Variants in CNTN6 observed in about 807,000 individuals in gnomAD.
CNTN6 encodes the protein contactin 6, also known as contactin-6.
CNTN6 carries 137 observed loss-of-function variants against 122.8 expected under a neutral mutation model. The ratio of observed to expected loss-of-function variants is 1.12; its 90% CI spans 0.97 to 1.29. The LOEUF (loss-of-function observed/expected upper bound fraction) is 1.29, where lower values mean the gene tolerates loss of function less well. CNTN6 is among the 50% of genes most tolerant of loss of function. The pLI, the probability that CNTN6 is intolerant of heterozygous loss-of-function variation, is 0.00. For missense variants in CNTN6, 1,634 were observed against 1,223.4 expected, an observed-to-expected ratio of 1.34 and a Z score of -5.01; for synonymous variants, 570 against 426.0, an observed-to-expected ratio of 1.34 and a Z score of -4.16.
At chr3:1,200,728 G>A (rs2093851451) in intron 2 of CNTN6, among the ~76,000 whole-genome samples, 1 of 152,042 alleles carries the variant, frequency 6.6e-6, no homozygotes, top group African/African-American at 2.4e-5. Context: ...AAAGCCCTCA[G>A]GATTAGTTCC....
At chr3:1,343,304 CTG>C (rs1417746980) in intron 11 of CNTN6, among the ~76,000 whole-genome samples, 3 of 152,248 alleles carry the variant, frequency 2.0e-5, no homozygotes, top group East Asian at 1.9e-4. Context: ...AATTTCAACT[CTG>C]TGAGAATGTT....
chr3:1,119,821 C>T (rs1005088373), intron 1 of CNTN6, among the ~76,000 whole-genome samples: 3 of 151,936 alleles, frequency 2.0e-5, no homozygotes, highest in African/African-American at 4.8e-5. Flanking sequence ...ATCCCTGTTC[C>T]TCCCTATCAA....
At chr3:1,270,904 G>A (rs1354420474) in intron 4 of CNTN6, among the ~76,000 whole-genome samples, 8 of 152,120 alleles carry the variant, frequency 5.3e-5, no homozygotes, top group African/African-American at 1.9e-4. Flanking sequence ...TTGTTTGTTT[G>A]TTTGTTCTTG....
At chr3:1,214,368 G>A (rs1341090435) in intron 2 of CNTN6, among the ~76,000 whole-genome samples, 20 of 127,026 alleles carry the variant, frequency 1.6e-4, no homozygotes, top group Non-Finnish European at 2.3e-4. Flanking sequence ...GAGTGCAATG[G>A]CGTAATCTCA....
rs1244717902 is a variant in CNTN6, at chr3:1,245,250, A to G, written c.358+17257A>G. ...TATATATATATACACACACACATAT[A>G]TATATAACATATATATATATATATA... On this transcript the variant is annotated intron_variant, in intron 4 of 22. Transcript: ENST00000446702. 2.5e-4 allele frequency among the ~76,000 whole-genome samples: 4 copies of G among 16,112 alleles called. 1 individual carries two copies. The East Asian group carries it at 6.0e-3, about 24-fold the overall frequency. 10.6% of individuals were successfully genotyped at this position (16,112 alleles called of 152,430 possible). A position where few individuals can be genotyped will look rare whatever the true frequency, so the allele number is the denominator to read the frequency against.
intron 2 of CNTN6, among the ~76,000 whole-genome samples, chr3:1,157,729 C>A (rs2093007792): frequency 6.6e-6 from 1 of 151,226 alleles, no homozygotes; most frequent in Non-Finnish European, 1.5e-5. Context: ...ATTTTTACAT[C>A]CCATAAGTAA....
At chr3:1,220,619 T>A in intron 2 of CNTN6, 68 bp from the exon 3 acceptor site, 1 of 1,339,058 alleles carries the variant, frequency 7.5e-7, no homozygotes, top group Admixed American at 2.4e-5. Flanking sequence ...GAATTGATAT[T>A]TAATATAGAC....
intron 17 of CNTN6, among the ~76,000 whole-genome samples, chr3:1,380,575 T>C (rs1691714347): frequency 1.3e-5 from 2 of 152,154 alleles, no homozygotes; most frequent in South Asian, 4.1e-4. Flanking sequence ...AAGAGATACA[T>C]ACCTACACTG....
Position 1,329,826 on chromosome 3 carries a change from T to C in CNTN6, c.1255T>C (p.Ser419Pro). Residue 419 changes from serine to proline, a missense_variant, in exon 11 of 23, where the codon TCT (serine) becomes CCT (proline). Physicochemically the swap from Ser to Pro is moderately conservative, Grantham distance 74 (BLOSUM62 -1). Coordinates refer to ENST00000446702, the MANE Select transcript of CNTN6 (RefSeq NM_001289080.2). ...CTCCAAAAGTCCAGTTAAAAAAAAG[T>C]CTTTTGTTCAAGTTGGTGGGGATAT... is the stretch of plus-strand genomic sequence containing the variant. ...DFSKSPVKKK[S>P]FVQVGGDIVI... The C allele has an allele frequency of 6.2e-7, 1 of 1,608,650 alleles. No individual in the cohort carries two copies. Among genetic ancestry groups the C allele is most frequent in the Non-Finnish European group, 8.5e-7 (1 of 1,177,612 alleles).
Position 1,403,511 on chromosome 3 carries a change from C to A in CNTN6, c.*93C>A. 1 of 644,290 alleles carries A rather than the reference C, an allele frequency of 1.6e-6. No individual in the cohort carries two copies. The highest frequency in any genetic ancestry group is 2.6e-6 in the Non-Finnish European group (1 of 382,972). 39.9% of individuals were successfully genotyped at this position (644,290 alleles called of 1,614,324 possible). A position where few individuals can be genotyped will look rare whatever the true frequency, so the allele number is the denominator to read the frequency against. On this transcript the variant is annotated 3_prime_UTR_variant, in exon 23 of 23. Coordinates refer to ENST00000446702, the MANE Select transcript of CNTN6 (RefSeq NM_001289080.2). Reference sequence around the variant, plus strand: ...TCTGACACAAGATGCGTTCTTAATACAGACTTGTTTGCAAAGAAAAAAAAA... The same window carrying A: ...TCTGACACAAGATGCGTTCTTAATAAAGACTTGTTTGCAAAGAAAAAAAAA...
intron 2 of CNTN6, among the ~76,000 whole-genome samples, chr3:1,184,906 A>G (rs1446935677): frequency 6.6e-6 from 1 of 152,132 alleles, no homozygotes; most frequent in Non-Finnish European, 1.5e-5. Flanking sequence ...AGGATATAAA[A>G]TTAATTCAAA....
intron 2 of CNTN6, among the ~76,000 whole-genome samples, chr3:1,152,328 A>G (rs2092864074): frequency 6.6e-6 from 1 of 151,904 alleles, no homozygotes; most frequent in African/African-American, 2.4e-5. Context: ...TAGTAGAGAC[A>G]GGGTTTCACC....
intron 4 of CNTN6, among the ~76,000 whole-genome samples, chr3:1,254,805 G>GT (rs1363858009): frequency 6.6e-6 from 1 of 152,092 alleles, no homozygotes; most frequent in Non-Finnish European, 1.5e-5. Context: ...ATCTGTTAGA[G>GT]TTTTTTGTAT....
intron 1 of CNTN6, among the ~76,000 whole-genome samples, chr3:1,103,800 G>A (rs2091076413): frequency 6.6e-6 from 1 of 152,108 alleles, no homozygotes; most frequent in African/African-American, 2.4e-5. Flanking sequence ...TTCTGCCAGT[G>A]AAGTTTCAAG....
chr3:1,237,940 C>A (rs1213737492), intron 4 of CNTN6, among the ~76,000 whole-genome samples: 1 of 151,834 alleles, frequency 6.6e-6, no homozygotes, highest in Non-Finnish European at 1.5e-5. Context: ...AAAAATAGAA[C>A]CTCCTTGAAG....
rs1185468906 is a variant in CNTN6, at chr3:1,332,526, G to GGAAGGAAGGAAA, written c.1364+2597_1364+2598insAGGAAAGAAGGA. ...AGGAAGGAAGGAAGGAAGGAAGGAA[G>GGAAGGAAGGAAA]GAAGGAGGGAGGGAAGGAAGGAAGA... On this transcript the variant is annotated intron_variant, in intron 11 of 22. Transcript: ENST00000446702. Among the ~76,000 whole-genome samples, 34 of 149,700 alleles carry GGAAGGAAGGAAA rather than the reference G, an allele frequency of 2.3e-4. No homozygotes were observed. In the South Asian group the frequency reaches 6.8e-3, roughly 30 times the overall value.
At chr3:1,221,172 G>A (rs916617227) in intron 3 of CNTN6, among the ~76,000 whole-genome samples, 2 of 151,544 alleles carry the variant, frequency 1.3e-5, no homozygotes, top group African/African-American at 4.9e-5. Context: ...AAGAGAGATA[G>A]GGGAGAGAGA....
At chr3:1,102,623 G>T (rs1484914858) in intron 1 of CNTN6, among the ~76,000 whole-genome samples, 1 of 150,144 alleles carries the variant, frequency 6.7e-6, no homozygotes, top group Non-Finnish European at 1.5e-5. Context: ...AGCTACTCGG[G>T]AGGCTGAGGC....
rs186604492 is a variant in CNTN6, at chr3:1,166,881, T to C, written c.55+18818T>C. Among the ~76,000 whole-genome samples the C allele has an allele frequency of 2.6e-3, 394 of 151,638 alleles. 1 individual carries two copies. Among genetic ancestry groups the C allele is most frequent in the African/African-American group, 8.8e-3 (365 of 41,334 alleles). On this transcript the variant is annotated intron_variant, in intron 2 of 22. Transcript: ENST00000446702. ...AGGGAACATCACACACCAGGGCCTATTGGGGAGTTGGGAGCAAGGGGAGGG... is the reference window on the plus strand; with the variant it reads ...AGGGAACATCACACACCAGGGCCTACTGGGGAGTTGGGAGCAAGGGGAGGG...
Sources: allele counts gnomAD v4.1 joint callset (sites outside exome capture counted in the v4.1 genomes callset), GRCh38; gene constraint gnomAD v4.1.1; transcripts MANE v1.5; gene names NCBI Gene and HGNC (gene_info 2026-07-23, HGNC 2026-07-21).